The following ANKRD55 variants were observed in gnomAD, a reference collection of about 807,000 sequenced individuals.
The protein encoded by ANKRD55 is ankyrin repeat domain 55, also known as ankyrin repeat domain-containing protein 55.
A neutral mutation model predicts 60.6 loss-of-function variants in ANKRD55; 41 were observed. The observed-to-expected ratio is 0.68, with a 90% CI of 0.53 to 0.88. ANKRD55 has a LOEUF of 0.88. ANKRD55 is among the 40% of genes least tolerant of loss of function. The probability of loss-of-function intolerance (pLI) is 0.00; values close to 1 mark genes in which losing one functional copy is unlikely to be tolerated. For synonymous variants in ANKRD55, 264 were observed against 290.3 expected (o/e 0.91, Z 0.92); for missense variants, 732 against 767.6 (o/e 0.95, Z 0.55).
chr5:56,198,658 C>A (rs540951325), intron 2 of ANKRD55, among the ~76,000 whole-genome samples: 19 of 152,224 alleles, frequency 1.2e-4, no homozygotes, highest in African/African-American at 1.7e-4. Flanking sequence ...ACAAAAAAAA[C>A]CAAAACCCAT....
In ANKRD55 at chr5:56,188,965, T is replaced by C. The variant is rs559224298; in HGVS notation, c.59-5331A>G. Reference sequence around the variant, plus strand: ...CTAGTAGCCATATTGAGGGCAGTGATAGGCCTTTTCCATTCTTAACTGGTC... The same window carrying C: ...CTAGTAGCCATATTGAGGGCAGTGACAGGCCTTTTCCATTCTTAACTGGTC... On this transcript the variant is annotated intron_variant, in intron 2 of 11. Coordinates refer to ENST00000341048, the MANE Select transcript of ANKRD55 (RefSeq NM_024669.3). Among the ~76,000 whole-genome samples the C allele has an allele frequency of 2.2e-3, 342 of 152,290 alleles. 3 individuals carry two copies. Among genetic ancestry groups the C allele is most frequent in the African/African-American group, 7.9e-3 (328 of 41,558 alleles).
chr5:56,115,815 T>A lies in ANKRD55; in HGVS notation c.965+800A>T, dbSNP rs546172954. ...AATGTTTATTATTAATTTAAATGGA[T>A]AACAATGCATATTTTATTAAAAATT... is the stretch of plus-strand genomic sequence containing the variant. On this transcript the variant is annotated intron_variant, in intron 9 of 11. Transcript: ENST00000341048. 1.3e-4 allele frequency among the ~76,000 whole-genome samples: 20 copies of A among 152,330 alleles called. No homozygotes were observed. The South Asian group carries it at 2.9e-3, about 22-fold the overall frequency.
chr5:56,166,695 G>A (rs1392659406), intron 5 of ANKRD55, among the ~76,000 whole-genome samples: 2 of 152,092 alleles, frequency 1.3e-5, no homozygotes, highest in Non-Finnish European at 2.9e-5. Context: ...TGCCAGAGGT[G>A]GGACACAAAT....
chr5:56,209,787 T>G (rs1467242647), intron 2 of ANKRD55, among the ~76,000 whole-genome samples: 1 of 152,212 alleles, frequency 6.6e-6, no homozygotes, highest in African/African-American at 2.4e-5. Flanking sequence ...CTTTGTGCAT[T>G]TGTGATTATT....
chr5:56,107,662 A>G (rs1370349262), intron 10 of ANKRD55, among the ~76,000 whole-genome samples: 1 of 152,154 alleles, frequency 6.6e-6, no homozygotes, highest in Non-Finnish European at 1.5e-5. Context: ...AAGCCAGATG[A>G]GTTCTTAATG....
chr5:56,200,123 A>G (rs1158306510), intron 2 of ANKRD55, among the ~76,000 whole-genome samples: 1 of 152,164 alleles, frequency 6.6e-6, no homozygotes, highest in Non-Finnish European at 1.5e-5. Flanking sequence ...TAATGAATTT[A>G]TGTTCTTTTA....
At chr5:56,128,084 G>T (rs1365726946) in intron 7 of ANKRD55, among the ~76,000 whole-genome samples, 1 of 152,104 alleles carries the variant, frequency 6.6e-6, no homozygotes, top group African/African-American at 2.4e-5. Context: ...GACATACATC[G>T]AAGGAGTCTG....
chr5:56,137,167 G>A (rs1253854359), intron 7 of ANKRD55: 37 of 1,512,440 alleles, frequency 2.4e-5, no homozygotes, highest in Non-Finnish European at 3.3e-5. Context: ...TGACGTTACA[G>A]TGGTGGAGTT....
At chr5:56,144,503 G>C (rs1483468480) in intron 6 of ANKRD55, among the ~76,000 whole-genome samples, 1 of 151,868 alleles carries the variant, frequency 6.6e-6, no homozygotes, top group Non-Finnish European at 1.5e-5. Context: ...ATGAATGAAT[G>C]AGGTAGGAGG....
chr5:56,219,411 C>T (rs1190349782), intron 2 of ANKRD55, among the ~76,000 whole-genome samples: 3 of 152,098 alleles, frequency 2.0e-5, no homozygotes, highest in Non-Finnish European at 4.4e-5. Context: ...CCCTTCTCTT[C>T]CTCCCTCAAT....
chr5:56,173,580 C>CTA (rs1162215148), intron 4 of ANKRD55, among the ~76,000 whole-genome samples: 807 of 59,688 alleles, frequency 0.014, 2 homozygotes, highest in Non-Finnish European at 0.015. Context: ...CTCTCTCTCT[C>CTA]TCTATATATA....
At chr5:56,169,428 C>CTT (rs59911045) in intron 5 of ANKRD55, among the ~76,000 whole-genome samples, 1 of 144,164 alleles carries the variant, frequency 6.9e-6, no homozygotes, top group Non-Finnish European at 1.5e-5. Flanking sequence ...TGGGGTCATT[C>CTT]TTTTTTTTTT....
chr5:56,102,673 T>C, intron 10 of ANKRD55, 87 bp from the exon 11 acceptor site: 2 of 875,568 alleles, frequency 2.3e-6, no homozygotes, highest in Non-Finnish European at 1.9e-6. Context: ...TCATCAAAGT[T>C]GTTACAGATC....
chr5:56,111,788 C>T lies in ANKRD55; in HGVS notation c.966-6G>A, dbSNP rs766674081. 2.6e-5 allele frequency: 39 copies of T among 1,485,966 alleles called. No individual in the cohort carries two copies. Among genetic ancestry groups the T allele is most frequent in the Admixed American group, 1.5e-4 (6 of 38,890 alleles). 92.0% of individuals were successfully genotyped at this position (1,485,966 alleles called of 1,614,324 possible). On this transcript the variant is annotated splice_region_variant and splice_polypyrimidine_tract_variant and intron_variant, in intron 9 of 11. Transcript: ENST00000341048. ...GGGGTCGAGTAGGCTCTGTTCTATGCGAATATAAAAGAGCAGGGATGATAT... is the reference window on the plus strand; with the variant it reads ...GGGGTCGAGTAGGCTCTGTTCTATGTGAATATAAAAGAGCAGGGATGATAT...
At chr5:56,200,007 A>T (rs1338094681) in intron 2 of ANKRD55, among the ~76,000 whole-genome samples, 1 of 152,202 alleles carries the variant, frequency 6.6e-6, no homozygotes, top group Non-Finnish European at 1.5e-5. Context: ...TATATATATG[A>T]AATGTGTAAA....
intron 7 of ANKRD55, among the ~76,000 whole-genome samples, chr5:56,137,968 A>G (rs892401133): frequency 1.3e-5 from 2 of 152,126 alleles, no homozygotes; most frequent in African/African-American, 4.8e-5. Context: ...TAAAACAACC[A>G]TGAGATACCA....
At position 56,100,159 on chromosome 5, in the gene ANKRD55, AT is replaced by A; in HGVS notation, c.*23del. The A allele has an allele frequency of 6.2e-7, 1 of 1,614,036 alleles. No individual in the cohort carries two copies. The highest frequency in any genetic ancestry group is 8.5e-7 in the Non-Finnish European group (1 of 1,179,982). ...GAGTTGAAAATACATATTCATCTAC[AT>A]TTCTGCAGCGAGTGGCCCACAGTTA... is the stretch of plus-strand genomic sequence containing the variant. On this transcript the variant is annotated 3_prime_UTR_variant, in exon 12 of 12. Transcript: ENST00000341048.
intron 7 of ANKRD55, among the ~76,000 whole-genome samples, chr5:56,128,349 C>T (rs187252761): frequency 1.4e-4 from 21 of 152,256 alleles, no homozygotes; most frequent in Admixed American, 1.1e-3. Context: ...CTCTTCCTTT[C>T]GCCTCCCTCG....
Position 56,170,769 on chromosome 5 carries a change from T to C in ANKRD55, c.347A>G (p.Asn116Ser), listed in dbSNP as rs765765882. The C allele has an allele frequency of 6.8e-6, 11 of 1,614,122 alleles. No individual in the cohort carries two copies. The East Asian group carries it at 2.5e-4, about 36-fold the overall frequency. The change falls in exon 5 of 12, where the codon AAC (asparagine) becomes AGC (serine). Residue 116 changes from asparagine to serine, a missense_variant. By Grantham distance (46) the Asn-to-Ser change is conservative. Around this residue, in one of 3 missense-constraint regions of ANKRD55, gnomAD observed 4 missense variants for 17.4 expected, o/e 0.23. Coordinates refer to ENST00000341048, the MANE Select transcript of ANKRD55 (RefSeq NM_024669.3). ...WLEGCVSLLR[N>S]GAKHNIPDKN... ...ATCTGGGATATTGTGCTTGGCACCG[T>C]TTCTGAGTAGACTCACACAGCCTTC...
Sources: gnomAD v4.1 joint callset for allele counts (sites outside exome capture counted in the v4.1 genomes callset) on GRCh38, gnomAD v4.1.1 for gene constraint, gnomAD v4.1.1 regional missense constraint, MANE v1.5 for transcripts, NCBI Gene and HGNC (gene_info 2026-07-23, HGNC 2026-07-21) for gene names.